Variants in SLC12A5 observed in about 807,000 individuals in gnomAD.
The protein encoded by SLC12A5 is solute carrier family 12 member 5, also known as K-Cl cotransporter 2.
SLC12A5 carries 18 observed loss-of-function variants against 124.0 expected under a neutral mutation model. That is an observed-to-expected ratio of 0.15 (90% confidence interval 0.10 to 0.22). The LOEUF (loss-of-function observed/expected upper bound fraction) is 0.22, where lower values mean the gene tolerates loss of function less well. SLC12A5 is among the 10% of genes least tolerant of loss of function. The pLI is 1.00. For missense variants in SLC12A5, 867 were observed against 1,478.7 expected, an observed-to-expected ratio of 0.59 and a Z score of 6.78; for synonymous variants, 589 against 568.0, an observed-to-expected ratio of 1.04 and a Z score of -0.53.
chr20:46,043,587 C>A, intron 9 of SLC12A5, 46 bp from the exon 10 acceptor site: 1 of 1,594,002 alleles, frequency 6.3e-7, no homozygotes, highest in South Asian at 1.1e-5. Flanking sequence ...TCTGTCTGGT[C>A]TCCTGTGGCC....
At position 46,053,806 on chromosome 20, in the gene SLC12A5, A is replaced by T; in HGVS notation, c.2679+97A>T. 7.5e-7 allele frequency: 1 copy of T among 1,326,312 alleles called. No individual in the cohort carries two copies. Among genetic ancestry groups the T allele is most frequent in the Non-Finnish European group, 1.0e-6 (1 of 987,194 alleles). 82.2% of individuals were successfully genotyped at this position (1,326,312 alleles called of 1,614,324 possible). A position where few individuals can be genotyped will look rare whatever the true frequency, so the allele number is the denominator to read the frequency against. ...CAACTCTAACACCCATCAGCTTATG[A>T]TGCTGGATCCTTTCCCCCTCATCCA... On this transcript the variant is annotated intron_variant, in intron 20 of 25. Coordinates refer to ENST00000243964, the MANE Select transcript of SLC12A5 (RefSeq NM_020708.5). This position sits in a 1 kb window ranked among gnomAD's most constrained non-coding sequence, Gnocchi z 4.7.
intron 1 of SLC12A5, among the ~76,000 whole-genome samples, chr20:46,031,238 G>A (rs1463395923): frequency 6.6e-6 from 1 of 152,094 alleles, no homozygotes; most frequent in African/African-American, 2.4e-5. Context: ...CTAGGAACTC[G>A]CTTCAGTTCT....
At chr20:46,035,981 G>C (rs1304882202) in intron 4 of SLC12A5, 58 bp downstream of exon 4, 1 of 1,551,160 alleles carries the variant, frequency 6.4e-7, no homozygotes, top group African/African-American at 1.4e-5. Flanking sequence ...CAGAGGCCTG[G>C]GGGTGGGAGG....
chr20:46,057,635 G>A lies in SLC12A5; in HGVS notation c.*30G>A, dbSNP rs1482343741. The A allele has an allele frequency of 1.3e-6, 2 of 1,575,864 alleles. No homozygotes were observed. Among genetic ancestry groups the A allele is most frequent in the Non-Finnish European group, 1.7e-6 (2 of 1,154,510 alleles). ...CAGGACCTGCCACCCGGGCCCGAGCGCGCCCGGCCCGCGGCTCCGGAGCCC... is the reference window on the plus strand; with the variant it reads ...CAGGACCTGCCACCCGGGCCCGAGCACGCCCGGCCCGCGGCTCCGGAGCCC... On this transcript the variant is annotated 3_prime_UTR_variant, in exon 26 of 26. Coordinates refer to ENST00000243964, the MANE Select transcript of SLC12A5 (RefSeq NM_020708.5). The surrounding 1 kb of genome is among the most constrained non-coding windows in gnomAD (Gnocchi z 7.1).
intron 1 of SLC12A5, among the ~76,000 whole-genome samples, chr20:46,031,371 C>T (rs925932099): frequency 6.6e-6 from 1 of 152,108 alleles, no homozygotes; most frequent in African/African-American, 2.4e-5. Flanking sequence ...TGCTGTGGGT[C>T]CCAGAGAGAG....
chr20:46,034,996 C>T lies in SLC12A5; in HGVS notation c.101C>T (p.Thr34Ile). 1 of 1,614,064 alleles carries T rather than the reference C, an allele frequency of 6.2e-7. No homozygotes were observed. Among genetic ancestry groups the T allele is most frequent in the South Asian group, 1.1e-5 (1 of 91,080 alleles). ...AGTCCCTTCATCAACAGCACCGACA[C>T]AGAGAAGGGAAAGGAGTATGATGGC... ...ESSPFINSTD[T>I]EKGKEYDGKN... The change falls in exon 2 of 26, where the codon ACA becomes ATA. Residue 34 changes from threonine (T) to isoleucine (I), a missense_variant. This residue lies in a region of SLC12A5 where 58 missense variants were observed against 52.2 expected (regional missense o/e 1.11). Coordinates refer to ENST00000243964, the MANE Select transcript of SLC12A5 (RefSeq NM_020708.5).
upstream of SLC12A5, among the ~76,000 whole-genome samples, chr20:46,026,453 G>A (rs980414544): frequency 2.6e-5 from 4 of 152,198 alleles, no homozygotes; most frequent in Non-Finnish European, 5.9e-5. Flanking sequence ...TGTGGTGGGT[G>A]CCTGCCATGT....
chr20:46,041,208 G>A (rs1459753908), intron 7 of SLC12A5, 121 bp from the exon 8 acceptor site: 5 of 727,830 alleles, frequency 6.9e-6, no homozygotes, highest in Admixed American at 2.9e-5. Context: ...TAAATTAAAC[G>A]AGGAACTCTG....
intron 18 of SLC12A5, among the ~76,000 whole-genome samples, chr20:46,052,750 A>G (rs914100819): frequency 6.6e-6 from 1 of 152,202 alleles, no homozygotes; most frequent in Non-Finnish European, 1.5e-5. Context: ...TGAGGCCTAG[A>G]GAGGTTGATA....
At chr20:46,037,766 T>G (rs2084511416) in intron 6 of SLC12A5, among the ~76,000 whole-genome samples, 1 of 152,174 alleles carries the variant, frequency 6.6e-6, no homozygotes, top group Non-Finnish European at 1.5e-5. Context: ...AGAGGTGGGT[T>G]GATGAGTTAA....
At chr20:46,035,310 T>C in intron 2 of SLC12A5, 94 bp from the exon 3 acceptor site, 1 of 1,477,180 alleles carries the variant, frequency 6.8e-7, no homozygotes, top group Non-Finnish European at 9.2e-7. Context: ...AATAGTTTCG[T>C]GCTCCTTGTC....
At chr20:46,049,517 G>A in intron 16 of SLC12A5, 105 bp from the exon 17 acceptor site, 1 of 1,410,428 alleles carries the variant, frequency 7.1e-7, no homozygotes, top group Admixed American at 2.0e-5. Flanking sequence ...GGATGGGACA[G>A]ATGGTTATAG....
rs1249926788 is a variant in SLC12A5, at chr20:46,036,847, A to C, written c.481+52A>C. On this transcript the variant is annotated intron_variant, in intron 5 of 25. Coordinates refer to ENST00000243964, the MANE Select transcript of SLC12A5 (RefSeq NM_020708.5). ...GGAGGATGGCTGGGTGGAAGGAGGG[A>C]TAGTGCCCTGGGCTTTGGGGGACAT... 3 of 1,604,732 alleles carry C rather than the reference A, an allele frequency of 1.9e-6. No homozygotes were observed. In the East Asian group the frequency reaches 6.7e-5, roughly 36 times the overall value.
At chr20:46,021,965 G>A (rs553325052) in intron 1 of SLC12A5, 3 of 1,395,968 alleles carry the variant, frequency 2.1e-6, no homozygotes, top group Non-Finnish European at 2.8e-6. Flanking sequence ...TCTGTTGAAG[G>A]GGGCAGGGCC....
At chr20:46,024,113 C>T (rs1370832560), downstream of SLC12A5, among the ~76,000 whole-genome samples, 1 of 151,222 alleles carries the variant, frequency 6.6e-6, no homozygotes, top group Non-Finnish European at 1.5e-5. Context: ...TGTGTATGAG[C>T]CTGGAATGCT....
chr20:46,052,880 C>T, intron 18 of SLC12A5, 77 bp from the exon 19 acceptor site: 2 of 1,470,926 alleles, frequency 1.4e-6, no homozygotes, highest in Non-Finnish European at 1.8e-6. Context: ...TGCCAGGAGC[C>T]CTTGTGGCTG....
In SLC12A5 at chr20:46,053,216, CAG is replaced by C. The variant is rs1252074898; in HGVS notation, c.2547+91_2547+92del. On this transcript the variant is annotated intron_variant, in intron 19 of 25. Transcript: ENST00000243964. The surrounding 1 kb of genome is among the most constrained non-coding windows in gnomAD (Gnocchi z 4.7). ...TATGTGCACAACTGCAGGTCAGACT[CAG>C]GGGCTCTGGCCAGGGTCAGCTTCCG... The C allele has an allele frequency of 4.9e-6, 7 of 1,417,640 alleles. No individual in the cohort carries two copies. The highest frequency in any genetic ancestry group is 6.7e-6 in the Non-Finnish European group (7 of 1,045,596). 87.8% of individuals were successfully genotyped at this position (1,417,640 alleles called of 1,614,324 possible).
Position 46,057,365 on chromosome 20 carries a change from C to T in SLC12A5, c.3259+62C>T. 6.2e-7 allele frequency: 1 copy of T among 1,611,558 alleles called. No individual in the cohort carries two copies. ...GGACGTCAGGGAATCTGGGTCCTGT[C>T]CCTGGGATGGAAGAGCTGAGCTGTT... On this transcript the variant is annotated intron_variant, in intron 25 of 25. Coordinates refer to ENST00000243964, the MANE Select transcript of SLC12A5 (RefSeq NM_020708.5). The surrounding 1 kb of genome is among the most constrained non-coding windows in gnomAD (Gnocchi z 7.1).
Position 46,041,263 on chromosome 20 carries a change from G to A in SLC12A5, c.855-66G>A, listed in dbSNP as rs191589333. On this transcript the variant is annotated intron_variant, in intron 7 of 25. Coordinates refer to ENST00000243964, the MANE Select transcript of SLC12A5 (RefSeq NM_020708.5). ...CGTGTGTTTAAAAGGTCTCCCGGTG[G>A]CTGTATTGTGCAGCGAGGGCAAGGT... 3.6e-3 allele frequency: 4,987 copies of A among 1,403,858 alleles called. 19 individuals are homozygous for A. Among genetic ancestry groups the A allele is most frequent in the Non-Finnish European group, 4.6e-3 (4,543 of 997,498 alleles). 87.0% of individuals were successfully genotyped at this position (1,403,858 alleles called of 1,614,324 possible).
Sources: allele counts gnomAD v4.1 joint callset (sites outside exome capture counted in the v4.1 genomes callset), GRCh38; gene constraint gnomAD v4.1.1; regional missense constraint gnomAD v4.1.1; non-coding constraint Gnocchi (gnomAD v3.1); transcripts MANE v1.5; gene names NCBI Gene and HGNC (gene_info 2026-07-23, HGNC 2026-07-21).